The following NBPF19 variants were observed in gnomAD, a reference collection of about 807,000 sequenced individuals.
NBPF19 encodes NBPF member 19.
NBPF19 carries 30 observed loss-of-function variants against 45.9 expected under a neutral mutation model. That is an observed-to-expected ratio of 0.65 (90% confidence interval 0.49 to 0.89). NBPF19 has a LOEUF of 0.89. NBPF19 is among the 40% of genes least tolerant of loss of function. The pLI, the probability that NBPF19 is intolerant of heterozygous loss-of-function variation, is 0.00. For missense variants in NBPF19, 495 were observed against 471.8 expected, an observed-to-expected ratio of 1.05 and a Z score of -0.46; for synonymous variants, 183 against 181.2, an observed-to-expected ratio of 1.01 and a Z score of -0.08.
At chr1:149,478,679 G>A (rs2084993068) in intron 3 of NBPF19, among the ~76,000 whole-genome samples, 1 of 150,822 alleles carries the variant, frequency 6.6e-6, no homozygotes, top group Admixed American at 6.6e-5. Flanking sequence ...CGAGGATCTT[G>A]CAGGAGCCCT....
At chr1:149,486,982 T>C (rs1404589502) in intron 8 of NBPF19, among the ~76,000 whole-genome samples, 2 of 150,726 alleles carry the variant, frequency 1.3e-5, no homozygotes, top group Non-Finnish European at 3.0e-5. Flanking sequence ...TATCAAATTC[T>C]GGGTATTTGA....
intron 9 of NBPF19, 103 bp downstream of exon 9, chr1:149,487,486 G>C (rs2085613859): frequency 1.0e-6 from 1 of 1,002,818 alleles, no homozygotes; most frequent in Non-Finnish European, 1.6e-6. Flanking sequence ...TGTCTTGTCA[G>C]ACAAGTCTGA....
Position 149,553,789 on chromosome 1 carries a change from G to A in NBPF19, c.11195G>A (p.Gly3732Glu). The A allele has an allele frequency of 7.6e-6, 1 of 131,800 alleles. No homozygotes were observed. Among genetic ancestry groups the A allele is most frequent in the African/African-American group, 3.3e-4 (1 of 3,012 alleles). The allele number at this position is 131,800 out of a possible 1,614,324, so 8.2% of individuals were successfully genotyped here. ...TTTATTGCAGAAATTGAAAAGAAGG[G>A]GAAGGGGAAGAAAAGAAGGGGAAGA... ...SLDVGEIEKK[G>E]KGKKRRGRRS... The change falls in exon 93 of 94, where the codon GGG becomes GAG. Residue 3732 changes from glycine (G) to glutamate (E), a missense_variant. By Grantham distance (98) the Gly-to-Glu change is moderately conservative. Around this residue, in one of 8 missense-constraint regions of NBPF19, gnomAD observed 248 missense variants for 95.4 expected, o/e 2.60. Transcript: ENST00000651566.
In NBPF19 at chr1:149,486,259, G is replaced by A; in HGVS notation, c.954G>A (p.Glu318=). 5.3e-6 allele frequency: 3 copies of A among 568,938 alleles called. 1 individual carries two copies. The highest frequency in any genetic ancestry group is 9.2e-6 in the Non-Finnish European group (3 of 326,146). 35.2% of individuals were successfully genotyped at this position (568,938 alleles called of 1,614,324 possible). ...QSYSSTFHSL[E]EQQVCMAVDI... is the part of the protein sequence containing the mutation. ...ACAGCAGCACATTTCACTCATTAGA[G>A]GAACAGCAAGTCTGCATGGCTGTTG... Residue 318 remains glutamate, a synonymous_variant, in exon 8 of 94, where the codon GAG becomes GAA. Transcript: ENST00000651566.
chr1:149,521,262 G>A (rs1160647722), intron 51 of NBPF19, 57 bp from the exon 52 acceptor site: 84 of 139,630 alleles, frequency 6.0e-4, no homozygotes, highest in Non-Finnish European at 1.2e-3. Flanking sequence ...ATCTAGCTGG[G>A]GCTGTGCGGT....
intron 10 of NBPF19, 128 bp downstream of exon 10, chr1:149,488,313 T>A: frequency 1.7e-6 from 1 of 598,906 alleles, no homozygotes; most frequent in Non-Finnish European, 2.9e-6. Context: ...TAGGCACATG[T>A]AGGTTGAATG....
chr1:149,477,615 G>A lies in NBPF19; in HGVS notation c.176-330G>A, dbSNP rs1178582443. 4.0e-5 allele frequency among the ~76,000 whole-genome samples: 6 copies of A among 151,430 alleles called. 1 individual carries two copies. Among genetic ancestry groups the A allele is most frequent in the Non-Finnish European group, 8.9e-5 (6 of 67,730 alleles). On this transcript the variant is annotated intron_variant, in intron 2 of 93. Coordinates refer to ENST00000651566, the MANE Select transcript of NBPF19 (RefSeq NM_001351365.2). ...CTTCATGCCCCAGTGCAGTGTTTTAGAGGAGAGGCTGCAAGACTTGGGAAA... is the reference window on the plus strand; with the variant it reads ...CTTCATGCCCCAGTGCAGTGTTTTAAAGGAGAGGCTGCAAGACTTGGGAAA...
chr1:149,554,561 T>C lies in NBPF19; in HGVS notation c.11355T>C (p.Tyr3785=). 1.9e-6 allele frequency: 3 copies of C among 1,608,286 alleles called. No homozygotes were observed. The highest frequency in any genetic ancestry group is 1.3e-5 in the African/African-American group (1 of 74,770). The stretch of plus-strand genomic sequence containing the variant: ...TACAGGACTCACTGGATGGATGTTA[T>C]TCGACTCCGTCAATGTACTTTGAAC... ...EVLQDSLDGC[Y]STPSMYFELP... The change falls in exon 94 of 94, where the codon TAT becomes TAC. Residue 3785 remains tyrosine (Y), a synonymous_variant. Transcript: ENST00000651566.
intron 44 of NBPF19, 75 bp downstream of exon 44, chr1:149,515,183 C>G: frequency 1.4e-6 from 1 of 693,044 alleles, no homozygotes; most frequent in Non-Finnish European, 2.6e-6. Context: ...CTCCAAGTGG[C>G]CATTACTGAG....
chr1:149,479,655 G>C (rs1400887433), intron 4 of NBPF19, among the ~76,000 whole-genome samples: 2 of 149,048 alleles, frequency 1.3e-5, no homozygotes, highest in African/African-American at 2.5e-5. Flanking sequence ...AAGTGCTTCA[G>C]ACTGGAGCAC....
rs1243163661 is a variant in NBPF19, at chr1:149,487,514, G to C, written c.1040+131G>C. On this transcript the variant is annotated intron_variant, in intron 9 of 93. Transcript: ENST00000651566. The stretch of plus-strand genomic sequence containing the variant: ...AAGTCTGAATTATGCCTAATACATT[G>C]CTTTTTTGTTCTCATTAGAGTAAAT... 1.7e-4 allele frequency: 169 copies of C among 993,376 alleles called. 6 individuals are homozygous for C. Among genetic ancestry groups the C allele is most frequent in the Admixed American group, 9.9e-4 (58 of 58,798 alleles). The allele number at this position is 993,376 out of a possible 1,614,324, so 61.5% of individuals were successfully genotyped here.
chr1:149,475,189 T>TA lies in NBPF19; in HGVS notation c.-635dup, dbSNP rs1208838059. On this transcript the variant is annotated 5_prime_UTR_variant, in exon 1 of 94. In the 5' UTR this introduces an upstream ATG that the reference lacks. Transcript: ENST00000651566. ...TACTGAGACAGGAAAGAAAATATTT[T>TA]AAAAAAATGAATTATTCATTCACTT... Among the ~76,000 whole-genome samples, 17 of 149,422 alleles carry TA rather than the reference T, an allele frequency of 1.1e-4. 1 individual carries two copies. Among genetic ancestry groups the TA allele is most frequent in the African/African-American group, 4.2e-4 (17 of 40,676 alleles).
At chr1:149,492,650 A>G in intron 15 of NBPF19, 118 bp from the exon 16 acceptor site, 1 of 570,572 alleles carries the variant, frequency 1.8e-6, no homozygotes, top group Non-Finnish European at 3.1e-6. Context: ...TTACCTCATT[A>G]ATGGATCTGT....
At position 149,487,963 on chromosome 1, in the gene NBPF19, T is replaced by C. The variant is rs1324837608; in HGVS notation, c.1041-50T>C. On this transcript the variant is annotated intron_variant, in intron 9 of 93. Coordinates refer to ENST00000651566, the MANE Select transcript of NBPF19 (RefSeq NM_001351365.2). ...GCCATGAAATCTAGCTGGGGCTGTG[T>C]GGTTTCTGATTCCCCCTGGCTTATT... 4.6e-4 allele frequency: 323 copies of C among 696,624 alleles called. 17 individuals carry two copies. The highest frequency in any genetic ancestry group is 6.7e-4 in the Admixed American group (32 of 48,080). 43.2% of individuals were successfully genotyped at this position (696,624 alleles called of 1,614,324 possible).
At chr1:149,484,352 T>A (rs2085384627) in intron 7 of NBPF19, among the ~76,000 whole-genome samples, 4 of 52,120 alleles carry the variant, frequency 7.7e-5, no homozygotes, top group East Asian at 9.4e-4. Flanking sequence ...TGTTGTAGGG[T>A]GGGGGGAGGG....
Position 149,554,586 on chromosome 1 carries a change from C to G in NBPF19, c.11380C>G (p.Leu3794Val). The change falls in exon 94 of 94, where the codon CTA becomes GTA. Residue 3794 changes from leucine to valine, a missense_variant. By Grantham distance (32) the Leu-to-Val change is conservative (BLOSUM62 1). This residue lies in a region of NBPF19 where 248 missense variants were observed against 95.4 expected (regional missense o/e 2.60). Coordinates refer to ENST00000651566, the MANE Select transcript of NBPF19 (RefSeq NM_001351365.2). Reference sequence around the variant, plus strand: ...TTCGACTCCGTCAATGTACTTTGAACTACCTGACTCATTCCAGCACTACAG... The same window carrying G: ...TTCGACTCCGTCAATGTACTTTGAAGTACCTGACTCATTCCAGCACTACAG... ...CYSTPSMYFE[L>V]PDSFQHYRSV... The G allele has an allele frequency of 9.3e-6, 15 of 1,608,306 alleles. 1 individual carries two copies. Among genetic ancestry groups the G allele is most frequent in the South Asian group, 2.2e-5 (2 of 90,882 alleles).
rs1436322833 is a variant in NBPF19, at chr1:149,475,560, G to C, written c.-271G>C. On this transcript the variant is annotated 5_prime_UTR_variant, in exon 1 of 94. Coordinates refer to ENST00000651566, the MANE Select transcript of NBPF19 (RefSeq NM_001351365.2). ...GTGAAAGTAGGGTGCCTGTGTTTCA[G>C]CAAAGCCTGGGCAATTGGAATGCAG... is the stretch of plus-strand genomic sequence containing the variant. The C allele has an allele frequency of 6.6e-6, 5 of 758,598 alleles. No individual in the cohort carries two copies. The African/African-American group carries it at 7.2e-5, about 11-fold the overall frequency. 47.0% of individuals were successfully genotyped at this position (758,598 alleles called of 1,614,324 possible).
At chr1:149,514,693 C>CTG (rs1224656992) in intron 43 of NBPF19, among the ~76,000 whole-genome samples, 24 of 89,752 alleles carry the variant, frequency 2.7e-4, no homozygotes, top group Non-Finnish European at 4.0e-4. Context: ...CTCTCTCTCT[C>CTG]TGTGTGTGTG....
Position 149,487,329 on chromosome 1 carries a change from C to G in NBPF19, c.989-3C>G, listed in dbSNP as rs1449928820. 1 of 1,562,992 alleles carries G rather than the reference C, an allele frequency of 6.4e-7. No individual in the cohort carries two copies. Among genetic ancestry groups the G allele is most frequent in the Admixed American group, 1.7e-5 (1 of 59,770 alleles). ...AAGAGGGCCCATCTGAATTTATTTG[C>G]AGGACATCGCTGGGATCAAGTGAAA... On this transcript the variant is annotated splice_region_variant and splice_polypyrimidine_tract_variant and intron_variant, in intron 8 of 93. Transcript: ENST00000651566.
Sources: gnomAD v4.1 joint callset for allele counts (sites outside exome capture counted in the v4.1 genomes callset) on GRCh38, gnomAD v4.1.1 for gene constraint, gnomAD v4.1.1 regional missense constraint, MANE v1.5 for transcripts, NCBI Gene and HGNC (gene_info 2026-07-23, HGNC 2026-07-21) for gene names.